Variants in SORCS3 observed in about 807,000 individuals in gnomAD.
SORCS3 encodes the protein sortilin related VPS10 domain containing receptor 3.
Under a neutral mutation model 146.3 loss-of-function variants are expected in SORCS3, and 57 were observed. That is an observed-to-expected ratio of 0.39 (90% CI 0.31 to 0.49). The LOEUF is 0.49. Ranked by LOEUF, SORCS3 falls within the 20% of genes least tolerant of loss-of-function variation. The probability of loss-of-function intolerance (pLI) is 0.92; values close to 1 mark genes in which losing one functional copy is unlikely to be tolerated. For synonymous variants in SORCS3, 653 were observed against 618.5 expected (o/e 1.06, Z -0.83); for missense variants, 1,341 against 1,575.5 (o/e 0.85, Z 2.52).
chr10:105,261,087 A>G (rs964355073), intron 25 of SORCS3, among the ~76,000 whole-genome samples: 1 of 152,224 alleles, frequency 6.6e-6, no homozygotes, highest in Non-Finnish European at 1.5e-5. Flanking sequence ...CAGAGAGGAT[A>G]GAAAACATAG....
chr10:104,818,287 G>C (rs1177724570), intron 1 of SORCS3, among the ~76,000 whole-genome samples: 1 of 152,122 alleles, frequency 6.6e-6, no homozygotes, highest in Non-Finnish European at 1.5e-5. Context: ...AAGCCAATTG[G>C]AATCCCTTCC....
intron 6 of SORCS3, among the ~76,000 whole-genome samples, chr10:105,099,357 C>G (rs770843477): frequency 6.6e-5 from 10 of 151,674 alleles, no homozygotes; most frequent in Non-Finnish European, 1.2e-4. Context: ...ATATTATTAC[C>G]CAAAGGAATG....
chr10:105,005,984 G>A (rs180996978), intron 4 of SORCS3, among the ~76,000 whole-genome samples: 44 of 152,104 alleles, frequency 2.9e-4, no homozygotes, highest in Admixed American at 6.5e-4. Flanking sequence ...TTGCTCTGTC[G>A]CCCAGGCTTG....
intron 5 of SORCS3, among the ~76,000 whole-genome samples, chr10:105,076,485 C>A (rs1314047231): frequency 6.6e-6 from 1 of 152,188 alleles, no homozygotes; most frequent in Non-Finnish European, 1.5e-5. Flanking sequence ...ATACTCTCCA[C>A]TTTACCAACC....
chr10:104,988,913 G>C (rs188774954), intron 4 of SORCS3, among the ~76,000 whole-genome samples: 113 of 152,278 alleles, frequency 7.4e-4, no homozygotes, highest in Non-Finnish European at 1.3e-3. Context: ...CAGTCATTTA[G>C]TCTAGCAATT....
chr10:104,910,927 AG>A (rs1252911132), intron 2 of SORCS3, among the ~76,000 whole-genome samples: 1 of 152,252 alleles, frequency 6.6e-6, no homozygotes, highest in Non-Finnish European at 1.5e-5. Context: ...TGCCTGGCTC[AG>A]GGCACTGGTG....
intron 10 of SORCS3, among the ~76,000 whole-genome samples, chr10:105,157,535 T>C (rs969497098): frequency 1.3e-5 from 2 of 152,146 alleles, no homozygotes; most frequent in Admixed American, 6.5e-5. Flanking sequence ...CAAATAAACA[T>C]ATAAGAGAAG....
At chr10:104,951,644 T>C (rs1589563434) in intron 3 of SORCS3, among the ~76,000 whole-genome samples, 1 of 152,206 alleles carries the variant, frequency 6.6e-6, no homozygotes, top group East Asian at 1.9e-4. Context: ...CATGGTTAAA[T>C]ACAAACCAAC....
chr10:104,663,766 T>C (rs975733923), intron 1 of SORCS3, among the ~76,000 whole-genome samples: 4 of 152,200 alleles, frequency 2.6e-5, no homozygotes, highest in Non-Finnish European at 5.9e-5. Context: ...TTTGAACACA[T>C]GCATGCTGCT....
At chr10:105,191,668 G>A (rs1309615789) in intron 14 of SORCS3, among the ~76,000 whole-genome samples, 4 of 152,156 alleles carry the variant, frequency 2.6e-5, no homozygotes, top group African/African-American at 9.7e-5. Context: ...TGCAGGTGGG[G>A]GGTGTTGATT....
intron 1 of SORCS3, among the ~76,000 whole-genome samples, chr10:104,675,135 A>T (rs1265213857): frequency 6.6e-6 from 1 of 152,162 alleles, no homozygotes; most frequent in Non-Finnish European, 1.5e-5. Flanking sequence ...AATTTTTTTT[A>T]ACGTTTTTCA....
At chr10:105,254,932 T>C (rs1214914076) in intron 23 of SORCS3, among the ~76,000 whole-genome samples, 1 of 151,992 alleles carries the variant, frequency 6.6e-6, no homozygotes, top group African/African-American at 2.4e-5. Context: ...CTCACGCCTG[T>C]AATCCCAGCA....
At chr10:104,822,265 G>A (rs550445024) in intron 1 of SORCS3, among the ~76,000 whole-genome samples, 1 of 152,276 alleles carries the variant, frequency 6.6e-6, no homozygotes, top group East Asian at 1.9e-4. Flanking sequence ...ACACAAGAAG[G>A]ACTGCCGTGT....
At chr10:104,795,512 A>G (rs1347443893) in intron 1 of SORCS3, among the ~76,000 whole-genome samples, 1 of 152,238 alleles carries the variant, frequency 6.6e-6, no homozygotes, top group Non-Finnish European at 1.5e-5. Flanking sequence ...TTGGTTCATG[A>G]CAAACAGGTT....
At chr10:105,100,413 G>A (rs1462051222) in intron 6 of SORCS3, among the ~76,000 whole-genome samples, 1 of 152,196 alleles carries the variant, frequency 6.6e-6, no homozygotes, top group Non-Finnish European at 1.5e-5. Flanking sequence ...TTAGAAAATA[G>A]AAGTTCAAGA....
intron 3 of SORCS3, among the ~76,000 whole-genome samples, chr10:104,947,312 G>A (rs2019381936): frequency 6.6e-6 from 1 of 152,050 alleles, no homozygotes. Flanking sequence ...CGGATTGAGG[G>A]GAAATTTCTC....
chr10:105,011,137 C>T (rs774341595), intron 4 of SORCS3, among the ~76,000 whole-genome samples: 1 of 152,144 alleles, frequency 6.6e-6, no homozygotes, highest in Non-Finnish European at 1.5e-5. Flanking sequence ...GGCTAAAAAG[C>T]CCATGTGCTC....
At chr10:104,787,564 A>T (rs952025793) in intron 1 of SORCS3, among the ~76,000 whole-genome samples, 12 of 152,020 alleles carry the variant, frequency 7.9e-5, no homozygotes, top group African/African-American at 2.7e-4. Context: ...ACTTAGCTGC[A>T]AGTCCAGCCT....
chr10:105,216,786 T>C (rs1307591039), intron 18 of SORCS3, 150 bp from the exon 19 acceptor site: 2 of 727,844 alleles, frequency 2.7e-6, no homozygotes, highest in Non-Finnish European at 4.7e-6. Flanking sequence ...GCGGATCAGA[T>C]AGGAGTGTGA....
Sources: allele counts gnomAD v4.1 joint callset (sites outside exome capture counted in the v4.1 genomes callset), GRCh38; gene constraint gnomAD v4.1.1; transcripts MANE v1.5; gene names NCBI Gene and HGNC (gene_info 2026-07-23, HGNC 2026-07-21).